Variants in TBC1D10B observed in about 807,000 individuals in gnomAD.
TBC1D10B encodes Rab27A-GAPbeta.
TBC1D10B carries 25 observed loss-of-function variants against 78.4 expected under a neutral mutation model. The ratio of observed to expected loss-of-function variants is 0.32; its 90% CI spans 0.23 to 0.45. The LOEUF (loss-of-function observed/expected upper bound fraction) is 0.45, where lower values mean the gene tolerates loss of function less well. Among genes scored for constraint, TBC1D10B ranks in the 20% least tolerant of loss-of-function variants. The pLI is 1.00. For synonymous variants in TBC1D10B, 517 were observed against 478.0 expected, an observed-to-expected ratio of 1.08 and a Z score of -1.06; for missense variants, 996 against 1,104.8, an observed-to-expected ratio of 0.90 and a Z score of 1.40.
chr16:30,359,116 C>A, intron 7 of TBC1D10B, 56 bp downstream of exon 7: 1 of 1,538,788 alleles, frequency 6.5e-7, no homozygotes, highest in South Asian at 1.2e-5. Flanking sequence ...GACAGAACCC[C>A]TGGTAGCCAC....
Position 30,370,027 on chromosome 16 carries a change from C to T in TBC1D10B, c.157G>A (p.Val53Met). The T allele has an allele frequency of 8.1e-7, 1 of 1,231,364 alleles. No homozygotes were observed. Among genetic ancestry groups the T allele is most frequent in the South Asian group, 4.0e-5 (1 of 25,020 alleles). 76.3% of individuals were successfully genotyped at this position (1,231,364 alleles called of 1,614,324 possible). A position where few individuals can be genotyped will look rare whatever the true frequency, so the allele number is the denominator to read the frequency against. Residue 53 changes from valine (V) to methionine (M), a missense_variant, in exon 1 of 9, where the codon GTG becomes ATG. This residue lies in a region of TBC1D10B where 448 missense variants were observed against 442.1 expected (regional missense o/e 1.01). Transcript: ENST00000409939. ...TTATSAPVTL[V>M]APGEARPAWV... ...GCGGGCCGCGCCTCCCCGGGGGCCACCAGGGTGACGGGGGCCGAAGTGGCC... is the reference window on the plus strand; with the variant it reads ...GCGGGCCGCGCCTCCCCGGGGGCCATCAGGGTGACGGGGGCCGAAGTGGCC...
At position 30,357,162 on chromosome 16, in the gene TBC1D10B, G is replaced by A. The variant is rs986949979; in HGVS notation, c.*782C>T. 2.6e-5 allele frequency: 4 copies of A among 152,884 alleles called. No individual in the cohort carries two copies. The highest frequency in any genetic ancestry group is 9.7e-5 in the African/African-American group (4 of 41,440). The allele number at this position is 152,884 out of a possible 1,614,324, so 9.5% of individuals were successfully genotyped here. A position where few individuals can be genotyped will look rare whatever the true frequency, so the allele number is the denominator to read the frequency against. ...AAGCGCTGCATGGGGTGGGGGCAGA[G>A]ACAGAAGAGAATGTAAACATTGGGT... On this transcript the variant is annotated 3_prime_UTR_variant, in exon 9 of 9. Transcript: ENST00000409939.
At chr16:30,360,005 C>T (rs2049589287) in intron 4 of TBC1D10B, 164 bp from the exon 5 acceptor site, 1 of 649,614 alleles carries the variant, frequency 1.5e-6, no homozygotes, top group Non-Finnish European at 2.6e-6. Flanking sequence ...GCAGAGCACT[C>T]CAGGCCCCGG....
Position 30,370,296 on chromosome 16 carries a change from G to A in TBC1D10B, c.-113C>T. On this transcript the variant is annotated 5_prime_UTR_variant, in exon 1 of 9. Transcript: ENST00000409939. The stretch of plus-strand genomic sequence containing the variant: ...GGGGAGAGGGCGAAGGGCGCGGCTC[G>A]GCGCGCGCCGGGGGCGGAGCGGCCG... 1 of 475,790 alleles carries A rather than the reference G, an allele frequency of 2.1e-6. No homozygotes were observed. The highest frequency in any genetic ancestry group is 8.8e-5 in the South Asian group (1 of 11,374). The allele number at this position is 475,790 out of a possible 1,614,324, so 29.5% of individuals were successfully genotyped here.
At position 30,358,652 on chromosome 16, in the gene TBC1D10B, C is replaced by A; in HGVS notation, c.1797+11G>T. On this transcript the variant is annotated intron_variant, in intron 8 of 8. Transcript: ENST00000409939. Reference sequence around the variant, plus strand: ...AGGCAGGCAGGGGCTGCGTTGAGGGCACAGGCCTACCTCATGCACCAGGAA... The same window carrying A: ...AGGCAGGCAGGGGCTGCGTTGAGGGAACAGGCCTACCTCATGCACCAGGAA... 1 of 1,596,944 alleles carries A rather than the reference C, an allele frequency of 6.3e-7. No homozygotes were observed. The highest frequency in any genetic ancestry group is 8.6e-7 in the Non-Finnish European group (1 of 1,167,912).
chr16:30,366,025 G>A (rs771206354), intron 1 of TBC1D10B: 3 of 189,398 alleles, frequency 1.6e-5, no homozygotes, highest in East Asian at 1.2e-4. Context: ...AACACACAGC[G>A]AAGTGCCCAT....
At chr16:30,368,283 C>G (rs959173308) in intron 1 of TBC1D10B, among the ~76,000 whole-genome samples, 9 of 152,222 alleles carry the variant, frequency 5.9e-5, no homozygotes, top group African/African-American at 2.2e-4. Flanking sequence ...GCAGGTTCAG[C>G]TGACTCCCTG....
chr16:30,358,214 C>T lies in TBC1D10B; in HGVS notation c.2157G>A (p.Lys719=), dbSNP rs752866030. ...TGNSTPLGSS[K]ETRKQEKERQ... ...GCTCCTTCTCCTGCTTCCGGGTCTC[C>T]TTGCTGGAACCCAAGGGGGTGCTAT... The change falls in exon 9 of 9, where the codon AAG becomes AAA. Residue 719 remains lysine, a synonymous_variant. Transcript: ENST00000409939. The T allele has an allele frequency of 6.4e-6, 10 of 1,553,678 alleles. No individual in the cohort carries two copies. The Admixed American group carries it at 1.4e-4, about 21-fold the overall frequency.
intron 1 of TBC1D10B, among the ~76,000 whole-genome samples, chr16:30,368,372 C>T (rs1394127177): frequency 6.6e-6 from 1 of 152,170 alleles, no homozygotes; most frequent in Non-Finnish European, 1.5e-5. Context: ...TGTTTAAGTA[C>T]TTTTCTTTCT....
In TBC1D10B at chr16:30,358,282, T is replaced by C. The variant is rs1396692103; in HGVS notation, c.2089A>G (p.Thr697Ala). 2 of 1,584,246 alleles carry C rather than the reference T, an allele frequency of 1.3e-6. No homozygotes were observed. The highest frequency in any genetic ancestry group is 1.2e-5 in the South Asian group (1 of 86,486). Residue 697 changes from threonine to alanine, a missense_variant, in exon 9 of 9, where the codon ACT (threonine) becomes GCT (alanine). Thr to Ala is a moderately conservative substitution (Grantham distance 58). This residue lies in a region of TBC1D10B where 285 missense variants were observed against 252.5 expected (regional missense o/e 1.13). Transcript: ENST00000409939. ...SAGPAPGPVV[T>A]AEGLHPSLPS... ...AGGGATGGATGCAGTCCCTCAGCAG[T>C]GACCACAGGCCCTGGGGCAGGCCCA... is the stretch of plus-strand genomic sequence containing the variant.
Position 30,369,339 on chromosome 16 carries a change from G to A in TBC1D10B, c.845C>T (p.Ser282Phe), listed in dbSNP as rs779005304. 4.4e-6 allele frequency: 7 copies of A among 1,598,214 alleles called. No individual in the cohort carries two copies. In the East Asian group the frequency reaches 9.1e-5, roughly 21 times the overall value. The stretch of plus-strand genomic sequence containing the variant: ...CATGGAGCTCACATCATCCGCCAAG[G>A]ACTCCAAGGTCCCAGACATGAGGCT... ...SVSLMSGTLE[S>F]LADDVSSMGS... Residue 282 changes from serine (S) to phenylalanine (F), a missense_variant, in exon 1 of 9, where the codon TCC becomes TTC. This residue lies in a region of TBC1D10B where 448 missense variants were observed against 442.1 expected (regional missense o/e 1.01). Transcript: ENST00000409939. This position sits in a 1 kb window ranked among gnomAD's most constrained non-coding sequence, Gnocchi z 4.3.
rs2049562893 is a variant in TBC1D10B at position 30,357,712 on chromosome 16, C to T, written c.*232G>A. 7 of 639,070 alleles carry T rather than the reference C, an allele frequency of 1.1e-5. No homozygotes were observed. Among genetic ancestry groups the T allele is most frequent in the Admixed American group, 8.9e-5 (3 of 33,690 alleles). 39.6% of individuals were successfully genotyped at this position (639,070 alleles called of 1,614,324 possible). A position where few individuals can be genotyped will look rare whatever the true frequency, so the allele number is the denominator to read the frequency against. Reference sequence around the variant, plus strand: ...GACCCAGAGGGAACTGGGGCAGGAGCGACAGAGACCCCAGCTGAGCCTCAT... The same window carrying T: ...GACCCAGAGGGAACTGGGGCAGGAGTGACAGAGACCCCAGCTGAGCCTCAT... On this transcript the variant is annotated 3_prime_UTR_variant, in exon 9 of 9. Transcript: ENST00000409939.
Position 30,358,694 on chromosome 16 carries a change from T to C in TBC1D10B, c.1766A>G (p.Gln589Arg). Residue 589 changes from glutamine (Q) to arginine (R), a missense_variant, in exon 8 of 9, where the codon CAG becomes CGG. Gln to Arg is a conservative substitution (Grantham distance 43). Transcript: ENST00000409939. ...TMEQLRNLPQ[Q>R]CMQEDFLVHE... ...CACCAGGAAGTCTTCCTGCATGCAC[T>C]GCTGGGGCAGGTTACGCAGCTGCTC... 6.2e-7 allele frequency: 1 copy of C among 1,610,246 alleles called. No homozygotes were observed. The highest frequency in any genetic ancestry group is 8.5e-7 in the Non-Finnish European group (1 of 1,177,298).
rs543259124 is a variant in TBC1D10B at position 30,365,322 on chromosome 16, G to C, written c.1057-110C>G. ...TACTCCTCCGACATCCCATAGGCTT[G>C]ATTCCACTGGACCTGGCCTGGACTT... On this transcript the variant is annotated intron_variant, in intron 2 of 8. Transcript: ENST00000409939. The surrounding 1 kb of genome is among the most constrained non-coding windows in gnomAD (Gnocchi z 5.0). The C allele has an allele frequency of 1.6e-6, 2 of 1,224,900 alleles. No individual in the cohort carries two copies. The highest frequency in any genetic ancestry group is 1.5e-5 in the African/African-American group (1 of 66,776). The allele number at this position is 1,224,900 out of a possible 1,614,324, so 75.9% of individuals were successfully genotyped here. A position where few individuals can be genotyped will look rare whatever the true frequency, so the allele number is the denominator to read the frequency against.
At chr16:30,359,876 C>A in intron 4 of TBC1D10B, 35 bp from the exon 5 acceptor site, 2 of 1,523,366 alleles carry the variant, frequency 1.3e-6, no homozygotes, top group Admixed American at 2.0e-5. Flanking sequence ...AGGGCAGTCA[C>A]GGGCTGAGAG....
chr16:30,358,644 G>A lies in TBC1D10B; in HGVS notation c.1797+19C>T, dbSNP rs778550265. The A allele has an allele frequency of 1.9e-5, 30 of 1,594,656 alleles. No individual in the cohort carries two copies. The highest frequency in any genetic ancestry group is 1.7e-4 in the Admixed American group (10 of 59,262). ...GCGGGCTGAGGCAGGCAGGGGCTGC[G>A]TTGAGGGCACAGGCCTACCTCATGC... On this transcript the variant is annotated intron_variant, in intron 8 of 8. Transcript: ENST00000409939.
At chr16:30,363,025 A>C (rs1405646199) in intron 4 of TBC1D10B, among the ~76,000 whole-genome samples, 2 of 152,228 alleles carry the variant, frequency 1.3e-5, no homozygotes, top group African/African-American at 4.8e-5. Context: ...CGACAGAGCG[A>C]GACTCCGTCT....
chr16:30,360,534 C>T (rs969157677), intron 4 of TBC1D10B, among the ~76,000 whole-genome samples: 1 of 152,250 alleles, frequency 6.6e-6, no homozygotes, highest in East Asian at 1.9e-4. Flanking sequence ...CCTCTCCCTG[C>T]CTCCAGTCTC....
Position 30,370,015 on chromosome 16 carries a change from C to T in TBC1D10B, c.169G>A (p.Glu57Lys), listed in dbSNP as rs922950778. ...CCCGGGACCCAGGCGGGCCGCGCCT[C>T]CCCGGGGGCCACCAGGGTGACGGGG... The part of the protein sequence containing the change: ...SAPVTLVAPG[E>K]ARPAWVPGSA... The change falls in exon 1 of 9, where the codon GAG (glutamate) becomes AAG (lysine). Residue 57 changes from glutamate (E) to lysine (K), a missense_variant. This residue lies in a region of TBC1D10B where 448 missense variants were observed against 442.1 expected (regional missense o/e 1.01). Transcript: ENST00000409939. 1 of 1,232,134 alleles carries T rather than the reference C, an allele frequency of 8.1e-7. No homozygotes were observed. Among genetic ancestry groups the T allele is most frequent in the African/African-American group, 1.6e-5 (1 of 64,294 alleles). The allele number at this position is 1,232,134 out of a possible 1,614,324, so 76.3% of individuals were successfully genotyped here. A position where few individuals can be genotyped will look rare whatever the true frequency, so the allele number is the denominator to read the frequency against.
Sources: gnomAD v4.1 joint callset for allele counts (sites outside exome capture counted in the v4.1 genomes callset) on GRCh38, gnomAD v4.1.1 for gene constraint, gnomAD v4.1.1 regional missense constraint, Gnocchi (gnomAD v3.1) non-coding constraint, MANE v1.5 for transcripts, NCBI Gene and HGNC (gene_info 2026-07-23, HGNC 2026-07-21) for gene names.